The following SEL1L3 variants were observed in gnomAD, a reference collection of about 807,000 sequenced individuals.
The protein encoded by SEL1L3 is SEL1L family member 3.
In SEL1L3, 76 loss-of-function variants were observed where a neutral mutation model predicts 142.8. The observed-to-expected ratio is 0.53, with a 90% confidence interval of 0.44 to 0.64. The LOEUF is 0.64. Among genes scored for constraint, SEL1L3 ranks in the 30% least tolerant of loss-of-function variants. The pLI is 0.00. For missense variants in SEL1L3, 1,262 were observed against 1,381.7 expected (o/e 0.91, Z 1.37); for synonymous variants, 504 against 519.6 (o/e 0.97, Z 0.41).
the SEL1L3 span, chr4:25,720,450 C>A: frequency 1.3e-5 from 2 of 152,132 alleles, no homozygotes; most frequent in Admixed American, 6.5e-5. Flanking sequence ...TGATTACTGT[C>A]TTTCAGATAG....
At chr4:25,767,410 T>G (rs1718819922) in intron 19 of SEL1L3, 115 bp downstream of exon 19, 1 of 665,648 alleles carries the variant, frequency 1.5e-6, no homozygotes. Flanking sequence ...ATTTTTCACT[T>G]TCTTTTCTAA....
In SEL1L3 at chr4:25,818,292, G is replaced by A; in HGVS notation, c.1424-14C>T. The stretch of plus-strand genomic sequence containing the variant: ...TGTGGAGGTGGCCTACACAGAAGAG[G>A]GAGCAGAAGATATCACACCCTTTAG... On this transcript the variant is annotated splice_polypyrimidine_tract_variant and intron_variant, in intron 8 of 23. Coordinates refer to ENST00000399878, the MANE Select transcript of SEL1L3 (RefSeq NM_015187.5). 1 of 1,590,320 alleles carries A rather than the reference G, an allele frequency of 6.3e-7. No individual in the cohort carries two copies. Among genetic ancestry groups the A allele is most frequent in the South Asian group, 1.1e-5 (1 of 87,006 alleles).
rs200357299 is a variant in SEL1L3 at position 25,772,418 on chromosome 4, C to T, written c.2669+3859G>A. On this transcript the variant is annotated intron_variant, in intron 17 of 23. Transcript: ENST00000399878. Reference sequence around the variant, plus strand: ...AAATTGGTGAAACTACTTAAGAAAACAATTGACATTGTCTTGTAAGTTGAA... The same window carrying T: ...AAATTGGTGAAACTACTTAAGAAAATAATTGACATTGTCTTGTAAGTTGAA... 1.5e-3 allele frequency among the ~76,000 whole-genome samples: 234 copies of T among 152,116 alleles called. 1 individual carries two copies. Among genetic ancestry groups the T allele is most frequent in the African/African-American group, 5.3e-3 (221 of 41,494 alleles).
chr4:25,757,094 C>T (rs929894921), intron 23 of SEL1L3, among the ~76,000 whole-genome samples: 4 of 151,824 alleles, frequency 2.6e-5, no homozygotes, highest in Non-Finnish European at 5.9e-5. Flanking sequence ...ATGGTGAAAC[C>T]CCGTCTCTAC....
the SEL1L3 span, among the ~76,000 whole-genome samples, chr4:25,715,018 T>G: frequency 6.6e-6 from 1 of 152,134 alleles, no homozygotes; most frequent in Non-Finnish European, 1.5e-5. Flanking sequence ...GAACAACCAC[T>G]ACAACTTATG....
chr4:25,726,931 G>C, the SEL1L3 span, among the ~76,000 whole-genome samples: 1 of 152,066 alleles, frequency 6.6e-6, no homozygotes, highest in African/African-American at 2.4e-5. Flanking sequence ...GCCAGGTTTG[G>C]TTTCTTCTGC....
At chr4:25,754,347 A>C (rs1421842840) in intron 23 of SEL1L3, among the ~76,000 whole-genome samples, 1 of 131,862 alleles carries the variant, frequency 7.6e-6, no homozygotes, top group African/African-American at 2.6e-5. Flanking sequence ...AAAATTATTG[A>C]CAACTTTTTT....
At chr4:25,846,404 C>A (rs1168202828) in intron 2 of SEL1L3, among the ~76,000 whole-genome samples, 5 of 152,172 alleles carry the variant, frequency 3.3e-5, no homozygotes. Context: ...CTCATTTAGT[C>A]CTCACAGCAC....
intron 2 of SEL1L3, among the ~76,000 whole-genome samples, chr4:25,842,589 T>C (rs576780063): frequency 6.6e-6 from 1 of 152,306 alleles, no homozygotes; most frequent in Non-Finnish European, 1.5e-5. Flanking sequence ...GTGGAGTGTG[T>C]GCAGTGGCCC....
intron 6 of SEL1L3, among the ~76,000 whole-genome samples, chr4:25,825,438 T>C (rs572281471): frequency 6.6e-5 from 10 of 152,264 alleles, no homozygotes; most frequent in South Asian, 2.1e-4. Flanking sequence ...GCAAACTATC[T>C]TTACTCTTAT....
chr4:25,818,168 G>T lies in SEL1L3; in HGVS notation c.1534C>A (p.Gln512Lys). The change falls in exon 9 of 24, where the codon CAG becomes AAG. Residue 512 changes from glutamine (Q) to lysine (K), a missense_variant. Physicochemically the swap from Gln to Lys is moderately conservative, Grantham distance 53 (BLOSUM62 1). Coordinates refer to ENST00000399878, the MANE Select transcript of SEL1L3 (RefSeq NM_015187.5). ...AGCAGATCCATCTCCAGCAATGCCT[G>T]GAACAAGCTGGGGTGTTTGTCTTTC... ...ELKDKHPSLF[Q>K]ALLEMDLLTV... 6.2e-7 allele frequency: 1 copy of T among 1,611,114 alleles called. No homozygotes were observed. Among genetic ancestry groups the T allele is most frequent in the Non-Finnish European group, 8.5e-7 (1 of 1,178,682 alleles).
intron 2 of SEL1L3, among the ~76,000 whole-genome samples, chr4:25,844,059 C>T (rs1577687184): frequency 6.6e-6 from 1 of 152,236 alleles, no homozygotes. Flanking sequence ...GCACTTGACA[C>T]AGAAAACCTT....
chr4:25,734,050 C>G, the SEL1L3 span, among the ~76,000 whole-genome samples: 2 of 152,034 alleles, frequency 1.3e-5, no homozygotes, highest in African/African-American at 4.8e-5. Flanking sequence ...GACAGAGTCT[C>G]GCTCTGGCTG....
At position 25,797,242 on chromosome 4, in the gene SEL1L3, G is replaced by A. The variant is rs1014266354; in HGVS notation, c.1956+5041C>T. Among the ~76,000 whole-genome samples the A allele has an allele frequency of 2.6e-5, 4 of 151,234 alleles. No individual in the cohort carries two copies. The East Asian group carries it at 7.7e-4, about 29-fold the overall frequency. On this transcript the variant is annotated intron_variant, in intron 11 of 23. Transcript: ENST00000399878. Reference sequence around the variant, plus strand: ...TTGCAGCTGAGGAGCGAAGCCTCTCGGCAGCCCCACATTTTCCAGGAGCCT... The same window carrying A: ...TTGCAGCTGAGGAGCGAAGCCTCTCAGCAGCCCCACATTTTCCAGGAGCCT...
chr4:25,741,108 C>CTTTT, the SEL1L3 span, among the ~76,000 whole-genome samples: 1 of 125,116 alleles, frequency 8.0e-6, no homozygotes. Context: ...TGCTTTCTTT[C>CTTTT]TTTTTTTTTT....
chr4:25,724,830 C>A, the SEL1L3 span, among the ~76,000 whole-genome samples: 5 of 144,386 alleles, frequency 3.5e-5, no homozygotes, highest in East Asian at 1.1e-3. Flanking sequence ...GTAGTTATAA[C>A]AGTAAACCCA....
chr4:25,731,434 C>A, the SEL1L3 span, among the ~76,000 whole-genome samples: 5 of 152,182 alleles, frequency 3.3e-5, no homozygotes, highest in Non-Finnish European at 7.3e-5. Flanking sequence ...ATCCTCACCA[C>A]AATCAAGATG....
intron 16 of SEL1L3, chr4:25,776,726 T>C (rs1560291394): frequency 6.0e-6 from 1 of 166,932 alleles, no homozygotes; most frequent in Non-Finnish European, 1.3e-5. Context: ...TCTAATTTAT[T>C]AGGGGTTTAT....
chr4:25,859,482 C>T (rs546433265), intron 1 of SEL1L3, among the ~76,000 whole-genome samples: 7 of 152,304 alleles, frequency 4.6e-5, no homozygotes, highest in African/African-American at 1.4e-4. Flanking sequence ...TCCGTCCCAG[C>T]CTATGGAGAC....
Sources: gnomAD v4.1 joint callset for allele counts (sites outside exome capture counted in the v4.1 genomes callset) on GRCh38, gnomAD v4.1.1 for gene constraint, MANE v1.5 for transcripts, NCBI Gene and HGNC (gene_info 2026-07-23, HGNC 2026-07-21) for gene names.